Variants in CACHD1 observed in about 807,000 individuals in gnomAD.
The protein encoded by CACHD1 is cache domain containing 1.
In CACHD1, 71 loss-of-function variants were observed where a neutral mutation model predicts 138.7. The ratio of observed to expected loss-of-function variants is 0.51; its 90% CI spans 0.42 to 0.62. The LOEUF is 0.62. Among genes scored for constraint, CACHD1 ranks in the 20% least tolerant of loss-of-function variants. The pLI, the probability that CACHD1 is intolerant of heterozygous loss-of-function variation, is 0.00. For missense variants in CACHD1, 1,389 were observed against 1,625.3 expected (o/e 0.85, Z 2.50); for synonymous variants, 578 against 591.5 (o/e 0.98, Z 0.33).
chr1:64,602,219 A>G (rs1647222919), intron 3 of CACHD1, among the ~76,000 whole-genome samples: 1 of 152,228 alleles, frequency 6.6e-6, no homozygotes, highest in Admixed American at 6.5e-5. Flanking sequence ...AGGAACTTCC[A>G]TACATTATTT....
rs1646926097 is a variant in CACHD1, at chr1:64,571,383, A to G, written c.262-10773A>G. Among the ~76,000 whole-genome samples the G allele has an allele frequency of 2.0e-5, 3 of 152,218 alleles. No homozygotes were observed. The South Asian group carries it at 6.2e-4, about 32-fold the overall frequency. On this transcript the variant is annotated intron_variant, in intron 2 of 26. Coordinates refer to ENST00000651257, the MANE Select transcript of CACHD1 (RefSeq NM_020925.4). ...AGAGACCTTGCAATTACTGTAATTG[A>G]GCTCATAGTATCAATGAAATCTTAA...
chr1:64,506,403 C>A (rs1408883389), intron 1 of CACHD1: 1 of 152,184 alleles, frequency 6.6e-6, no homozygotes, highest in Non-Finnish European at 1.5e-5. Context: ...TCAACGACGG[C>A]CTATTGAATG....
At chr1:64,505,259 C>G (rs1392689522) in intron 1 of CACHD1, among the ~76,000 whole-genome samples, 1 of 152,136 alleles carries the variant, frequency 6.6e-6, no homozygotes, top group Non-Finnish European at 1.5e-5. Flanking sequence ...GGAGGGCAGT[C>G]AAGAGCCTCT....
intron 1 of CACHD1, among the ~76,000 whole-genome samples, chr1:64,541,722 C>T (rs1646678851): frequency 6.6e-6 from 1 of 152,172 alleles, no homozygotes; most frequent in Non-Finnish European, 1.5e-5. Flanking sequence ...TTTCCAGCTA[C>T]TCAGGAGGCT....
intron 1 of CACHD1, among the ~76,000 whole-genome samples, chr1:64,477,959 C>T (rs529617370): frequency 7.5e-4 from 114 of 152,200 alleles, no homozygotes; most frequent in African/African-American, 2.5e-3. Flanking sequence ...GAAGCAAATT[C>T]CAAATATCAC....
At chr1:64,553,274 C>G (rs1347061846) in intron 2 of CACHD1, among the ~76,000 whole-genome samples, 1 of 152,190 alleles carries the variant, frequency 6.6e-6, no homozygotes, top group African/African-American at 2.4e-5. Flanking sequence ...CACGGGATTT[C>G]TCATTCTACA....
rs1650226910 is a variant in CACHD1 at position 64,682,526 on chromosome 1, A to AG, written c.3586+422dup. On this transcript the variant is annotated intron_variant, in intron 26 of 26. Transcript: ENST00000651257. ...TGGCATGGTCTGGGGAGCTCAGAGAAGGCTTCACCAAAGAAGCAAGAAGCA... is the reference window on the plus strand; with the variant it reads ...TGGCATGGTCTGGGGAGCTCAGAGAAGGGCTTCACCAAAGAAGCAAGAAGCA... 7.2e-5 allele frequency among the ~76,000 whole-genome samples: 11 copies of AG among 152,288 alleles called. No individual in the cohort carries two copies. In the South Asian group the frequency reaches 2.3e-3, roughly 32 times the overall value.
At chr1:64,491,262 T>C (rs537501859) in intron 1 of CACHD1, among the ~76,000 whole-genome samples, 39 of 144,526 alleles carry the variant, frequency 2.7e-4, no homozygotes, top group Middle Eastern at 3.5e-3. Flanking sequence ...CTCTCTCTCT[T>C]TTTTTTTTTT....
At chr1:64,472,603 A>G (rs1056052694) in intron 1 of CACHD1, among the ~76,000 whole-genome samples, 3 of 152,146 alleles carry the variant, frequency 2.0e-5, no homozygotes, top group African/African-American at 7.2e-5. Flanking sequence ...TTCCATATGC[A>G]TTTTCTGATT....
Position 64,475,171 on chromosome 1 carries a change from C to CT in CACHD1, c.198+4248dup, listed in dbSNP as rs3078373. On this transcript the variant is annotated intron_variant, in intron 1 of 26. Transcript: ENST00000651257. Reference sequence around the variant, plus strand: ...AAACAACAATGCACTAAATTCCTTCCTTTTTTTTTTTTTTTTTTTCTTAAG... The same window carrying CT: ...AAACAACAATGCACTAAATTCCTTCCTTTTTTTTTTTTTTTTTTTTCTTAAG... 8.6e-3 allele frequency among the ~76,000 whole-genome samples: 1,068 copies of CT among 124,250 alleles called. 31 individuals carry two copies. The highest frequency in any genetic ancestry group is 0.029 in the South Asian group (107 of 3,698). 81.5% of individuals were successfully genotyped at this position (124,250 alleles called of 152,430 possible). A position where few individuals can be genotyped will look rare whatever the true frequency, so the allele number is the denominator to read the frequency against.
At chr1:64,526,308 T>A (rs1471998832) in intron 1 of CACHD1, among the ~76,000 whole-genome samples, 3 of 152,248 alleles carry the variant, frequency 2.0e-5, no homozygotes, top group Non-Finnish European at 4.4e-5. Context: ...CCTTTCTTTT[T>A]CATTCATCTT....
chr1:64,589,949 G>A (rs912581051), intron 3 of CACHD1, among the ~76,000 whole-genome samples: 1 of 152,010 alleles, frequency 6.6e-6, no homozygotes, highest in Admixed American at 6.6e-5. Context: ...TTCGGATTTA[G>A]ACTGGAGAAG....
chr1:64,681,622 A>G (rs1570480421), intron 25 of CACHD1, among the ~76,000 whole-genome samples: 1 of 107,378 alleles, frequency 9.3e-6, no homozygotes, highest in Non-Finnish European at 1.9e-5. Flanking sequence ...CTTGCTCATT[A>G]TTTTCCAACC....
intron 3 of CACHD1, among the ~76,000 whole-genome samples, chr1:64,584,490 T>C (rs1228122669): frequency 1.3e-5 from 2 of 152,314 alleles, no homozygotes; most frequent in African/African-American, 4.8e-5. Context: ...TTTCTATGAA[T>C]GTTTCAAGGA....
intron 1 of CACHD1, among the ~76,000 whole-genome samples, chr1:64,542,537 T>A (rs1646684980): frequency 6.6e-6 from 1 of 152,142 alleles, no homozygotes; most frequent in African/African-American, 2.4e-5. Flanking sequence ...TTTGGATGTA[T>A]GTGCTTTTGT....
chr1:64,637,131 G>A (rs1648552601), intron 7 of CACHD1, among the ~76,000 whole-genome samples: 1 of 152,194 alleles, frequency 6.6e-6, no homozygotes, highest in Non-Finnish European at 1.5e-5. Context: ...CTCACTAGAA[G>A]TGTTCTTTCT....
chr1:64,669,485 T>C (rs923573213), intron 16 of CACHD1, among the ~76,000 whole-genome samples: 44 of 152,202 alleles, frequency 2.9e-4, no homozygotes, highest in African/African-American at 1.0e-3. Flanking sequence ...CAGTTACTCA[T>C]AGTAAGCTTT....
At chr1:64,504,135 C>G (rs1041504814) in intron 1 of CACHD1, among the ~76,000 whole-genome samples, 10 of 152,046 alleles carry the variant, frequency 6.6e-5, no homozygotes, top group Non-Finnish European at 1.2e-4. Flanking sequence ...CTCTAGCGAT[C>G]CTCCCACCTC....
At chr1:64,556,410 A>G (rs1256593158) in intron 2 of CACHD1, among the ~76,000 whole-genome samples, 1 of 152,248 alleles carries the variant, frequency 6.6e-6, no homozygotes, top group East Asian at 1.9e-4. Flanking sequence ...TTGGTTTTGT[A>G]TATTTTGTAT....
Sources: gnomAD v4.1 joint callset for allele counts (sites outside exome capture counted in the v4.1 genomes callset) on GRCh38, gnomAD v4.1.1 for gene constraint, MANE v1.5 for transcripts, NCBI Gene and HGNC (gene_info 2026-07-23, HGNC 2026-07-21) for gene names.